AFF1: variants seen among roughly 807,000 people sequenced by gnomAD.
The protein encoded by AFF1 is ALF transcription elongation factor 1, also known as AF4/FMR2 family member 1.
A neutral mutation model predicts 121.7 loss-of-function variants in AFF1; 48 were observed. The ratio of observed to expected loss-of-function variants is 0.39; its 90% confidence interval spans 0.31 to 0.50. The LOEUF is 0.50. Among genes scored for constraint, AFF1 ranks in the 20% least tolerant of loss-of-function variants. The probability of loss-of-function intolerance (pLI) is 0.76; values close to 1 mark genes in which losing one functional copy is unlikely to be tolerated. For synonymous variants in AFF1, 613 were observed against 563.0 expected, an observed-to-expected ratio of 1.09 and a Z score of -1.26; for missense variants, 1,523 against 1,511.7, an observed-to-expected ratio of 1.01 and a Z score of -0.12.
Position 87,126,293 on chromosome 4 carries a change from GAA to G in AFF1, c.2769_2770del (p.Arg924SerfsTer32). ...AAAGACTCTTCCATTCCCAAGCAGA[GAA>G]GAGTAGAGGGGAAGGGCTCCAGAAG... On this transcript the variant is annotated frameshift_variant, in exon 14 of 21. Coordinates refer to ENST00000395146, the MANE Select transcript of AFF1 (RefSeq NM_001166693.3). LOFTEE classifies it high-confidence loss of function. 1 of 1,614,118 alleles carries G rather than the reference GAA, an allele frequency of 6.2e-7. No individual in the cohort carries two copies. Among genetic ancestry groups the G allele is most frequent in the Non-Finnish European group, 8.5e-7 (1 of 1,180,024 alleles).
chr4:87,131,769 A>G, intron 17 of AFF1, 24 bp from the exon 18 acceptor site: 2 of 1,550,828 alleles, frequency 1.3e-6, no homozygotes, highest in Non-Finnish European at 1.8e-6. Context: ...TTAAAACCTG[A>G]TGTACTTTTA....
Position 87,072,350 on chromosome 4 carries a change from G to A in AFF1, c.1060-11770G>A, listed in dbSNP as rs770431541. On this transcript the variant is annotated intron_variant, in intron 4 of 20. Coordinates refer to ENST00000395146, the MANE Select transcript of AFF1 (RefSeq NM_001166693.3). ...TGCACTCCAGCCTGGGCAACAGAGCGAGACTCCGTCTCAAAAAAAAAAAAA... is the reference window on the plus strand; with the variant it reads ...TGCACTCCAGCCTGGGCAACAGAGCAAGACTCCGTCTCAAAAAAAAAAAAA... Among the ~76,000 whole-genome samples, 385 of 125,582 alleles carry A rather than the reference G, an allele frequency of 3.1e-3. 1 individual carries two copies. Among genetic ancestry groups the A allele is most frequent in the African/African-American group, 0.011 (373 of 33,086 alleles). The allele number at this position is 125,582 out of a possible 152,430, so 82.4% of individuals were successfully genotyped here. A position where few individuals can be genotyped will look rare whatever the true frequency, so the allele number is the denominator to read the frequency against.
intron 2 of AFF1, among the ~76,000 whole-genome samples, chr4:87,035,515 C>T (rs537391575): frequency 2.6e-5 from 4 of 151,720 alleles, no homozygotes; most frequent in South Asian, 2.1e-4. Context: ...GAGCGGAGAT[C>T]GCGCCACTGC....
At chr4:87,126,712 A>C (rs987803220) in intron 14 of AFF1, among the ~76,000 whole-genome samples, 2 of 152,046 alleles carry the variant, frequency 1.3e-5, no homozygotes, top group Admixed American at 6.6e-5. Flanking sequence ...TCTCAAATAA[A>C]AGTTCTTCTC....
At chr4:87,002,425 G>GTTTTTTT (rs3035506) in intron 2 of AFF1, among the ~76,000 whole-genome samples, 4 of 68,174 alleles carry the variant, frequency 5.9e-5, no homozygotes, top group Non-Finnish European at 1.1e-4. Flanking sequence ...GGGCAATGAA[G>GTTTTTTT]TTTTTTTTTT....
At chr4:87,092,357 G>C (rs995445460) in intron 7 of AFF1, among the ~76,000 whole-genome samples, 1 of 152,184 alleles carries the variant, frequency 6.6e-6, no homozygotes, top group African/African-American at 2.4e-5. Flanking sequence ...AACAAATGCA[G>C]TGTGGTATTA....
At chr4:87,126,959 A>T (rs986776129) in intron 14 of AFF1, 67 bp from the exon 15 acceptor site, 7 of 1,364,482 alleles carry the variant, frequency 5.1e-6, no homozygotes, top group African/African-American at 1.4e-5. Flanking sequence ...TTTAAGAGGG[A>T]TGGTACTTTT....
At chr4:86,940,154 T>A (rs1720348165) in intron 1 of AFF1, among the ~76,000 whole-genome samples, 1 of 152,184 alleles carries the variant, frequency 6.6e-6, no homozygotes, top group African/African-American at 2.4e-5. Flanking sequence ...ACCCCTTCTT[T>A]AAACAACAGC....
chr4:87,050,245 G>A (rs1731140701), intron 4 of AFF1, among the ~76,000 whole-genome samples: 1 of 152,106 alleles, frequency 6.6e-6, no homozygotes, highest in Non-Finnish European at 1.5e-5. Flanking sequence ...GGGTGTGGGA[G>A]TAGCTGAGTG....
chr4:87,094,435 T>C (rs78636026), intron 7 of AFF1, among the ~76,000 whole-genome samples: 5,773 of 152,300 alleles, frequency 0.038, 138 homozygotes, highest in Middle Eastern at 0.088. Context: ...TATGAGGTAG[T>C]CTATAAATAG....
chr4:86,987,043 C>A (rs1258862645), intron 2 of AFF1, among the ~76,000 whole-genome samples: 1 of 151,990 alleles, frequency 6.6e-6, no homozygotes, highest in Non-Finnish European at 1.5e-5. Context: ...GGGGGTCTTG[C>A]TATGTTGCCC....
chr4:87,131,147 T>C lies in AFF1; in HGVS notation c.3029T>C (p.Ile1010Thr). 1 of 1,614,202 alleles carries C rather than the reference T, an allele frequency of 6.2e-7. No homozygotes were observed. The highest frequency in any genetic ancestry group is 8.5e-7 in the Non-Finnish European group (1 of 1,180,032). The change falls in exon 17 of 21, where the codon ATT becomes ACT. Residue 1010 changes from isoleucine to threonine, a missense_variant. By Grantham distance (89) the Ile-to-Thr change is moderately conservative (BLOSUM62 -1). Around this residue, in one of 5 missense-constraint regions of AFF1, gnomAD observed 241 missense variants for 265.2 expected, o/e 0.91. Transcript: ENST00000395146. ...EAVLSFIECG[I>T]ATESESQSSK... ...GTCTTGTCCTTCATTGAGTGCGGAATTGCCACAGAGTCTGAAAGCCAGTCA... is the reference window on the plus strand; with the variant it reads ...GTCTTGTCCTTCATTGAGTGCGGAACTGCCACAGAGTCTGAAAGCCAGTCA...
chr4:87,043,158 TGAAGC>T (rs1244311404), intron 2 of AFF1, among the ~76,000 whole-genome samples: 1 of 152,200 alleles, frequency 6.6e-6, no homozygotes, highest in East Asian at 1.9e-4. Flanking sequence ...CTCTGCCCTG[TGAAGC>T]GGAGCCTAAG....
intron 2 of AFF1, among the ~76,000 whole-genome samples, chr4:86,991,012 CGTG>C (rs1380261583): frequency 6.6e-6 from 1 of 152,008 alleles, no homozygotes; most frequent in Non-Finnish European, 1.5e-5. Flanking sequence ...ATTAGCTGGG[CGTG>C]GTGGCGGGCG....
At chr4:87,088,683 C>A (rs1311369019) in intron 5 of AFF1, among the ~76,000 whole-genome samples, 1 of 152,198 alleles carries the variant, frequency 6.6e-6, no homozygotes, top group African/African-American at 2.4e-5. Flanking sequence ...CCGCTCACTG[C>A]AACCTCCACC....
intron 4 of AFF1, among the ~76,000 whole-genome samples, chr4:87,055,763 A>C (rs1352285571): frequency 3.9e-5 from 6 of 152,202 alleles, no homozygotes; most frequent in Non-Finnish European, 8.8e-5. Flanking sequence ...GGGGTGACCA[A>C]CACTCATGAG....
chr4:87,105,114 T>A (rs1319132760), intron 8 of AFF1, among the ~76,000 whole-genome samples: 3 of 152,246 alleles, frequency 2.0e-5, no homozygotes, highest in African/African-American at 7.2e-5. Context: ...TGTTGAACTT[T>A]TTATGTGCCT....
intron 2 of AFF1, among the ~76,000 whole-genome samples, chr4:87,019,996 G>A (rs1170380738): frequency 1.3e-5 from 1 of 76,042 alleles, no homozygotes; most frequent in Non-Finnish European, 2.9e-5. Flanking sequence ...GATCACAGAA[G>A]TCTTCTGTGT....
intron 2 of AFF1, among the ~76,000 whole-genome samples, chr4:87,022,614 C>G (rs56924570): frequency 3.9e-5 from 3 of 76,332 alleles, no homozygotes; most frequent in East Asian, 5.0e-4. Flanking sequence ...GTATATATAT[C>G]TGTGTGTGTA....
Sources: allele counts gnomAD v4.1 joint callset (sites outside exome capture counted in the v4.1 genomes callset), GRCh38; gene constraint gnomAD v4.1.1; regional missense constraint gnomAD v4.1.1; transcripts MANE v1.5; gene names NCBI Gene and HGNC (gene_info 2026-07-23, HGNC 2026-07-21).